Variants in TMEM132D observed in about 807,000 individuals in gnomAD.
TMEM132D encodes the protein mature OL transmembrane protein.
Under a neutral mutation model 62.3 loss-of-function variants are expected in TMEM132D, and 21 were observed. The observed-to-expected ratio is 0.34, with a 90% CI of 0.24 to 0.49. The LOEUF (loss-of-function observed/expected upper bound fraction) is 0.49, where lower values mean the gene tolerates loss of function less well. Ranked by LOEUF, TMEM132D falls within the 20% of genes least tolerant of loss-of-function variation. TMEM132D has a pLI of 0.99. For synonymous variants in TMEM132D, 621 were observed against 575.6 expected (o/e 1.08, Z -1.13); for missense variants, 1,346 against 1,402.8 (o/e 0.96, Z 0.65).
intron 1 of TMEM132D, among the ~76,000 whole-genome samples, chr12:129,749,845 T>A (rs1441878077): frequency 6.6e-6 from 1 of 152,190 alleles, no homozygotes; most frequent in African/African-American, 2.4e-5. Flanking sequence ...ACTTGTACAT[T>A]CTTGAGAATT....
intron 2 of TMEM132D, among the ~76,000 whole-genome samples, chr12:129,691,024 C>T (rs965838400): frequency 2.6e-5 from 4 of 151,894 alleles, no homozygotes; most frequent in Non-Finnish European, 5.9e-5. Context: ...GAAATCAATA[C>T]TAGAAAGATA....
intron 1 of TMEM132D, among the ~76,000 whole-genome samples, chr12:129,735,213 C>T (rs1042291857): frequency 1.3e-5 from 2 of 152,126 alleles, no homozygotes; most frequent in Non-Finnish European, 2.9e-5. Flanking sequence ...TCACATTTTG[C>T]ATGATTGCTT....
chr12:129,759,582 A>C (rs1483670856), intron 1 of TMEM132D, among the ~76,000 whole-genome samples: 1 of 152,206 alleles, frequency 6.6e-6, no homozygotes, highest in African/African-American at 2.4e-5. Flanking sequence ...TGCTCATTAC[A>C]TGAGAGAGTA....
chr12:129,545,207 C>T (rs1593060232), intron 2 of TMEM132D, among the ~76,000 whole-genome samples: 4 of 152,118 alleles, frequency 2.6e-5, no homozygotes, highest in African/African-American at 9.7e-5. Context: ...ATTTGATCTA[C>T]TGCACCACGA....
intron 5 of TMEM132D, among the ~76,000 whole-genome samples, chr12:129,149,407 C>T (rs1877008741): frequency 1.3e-5 from 2 of 152,118 alleles, no homozygotes; most frequent in Non-Finnish European, 2.9e-5. Flanking sequence ...AATGCTGCCC[C>T]TGAAAAGTAG....
intron 3 of TMEM132D, among the ~76,000 whole-genome samples, chr12:129,493,475 T>G (rs1874860297): frequency 6.6e-6 from 1 of 152,246 alleles, no homozygotes; most frequent in African/African-American, 2.4e-5. Flanking sequence ...CCTAATTGTC[T>G]TCTTCAGAAT....
chr12:129,297,313 C>G (rs114971982), intron 4 of TMEM132D, among the ~76,000 whole-genome samples: 1 of 152,196 alleles, frequency 6.6e-6, no homozygotes, highest in Non-Finnish European at 1.5e-5. Flanking sequence ...CAGGCCTTCC[C>G]GAGTGATTTT....
At chr12:129,382,971 T>C (rs1179853881) in intron 3 of TMEM132D, among the ~76,000 whole-genome samples, 1 of 152,086 alleles carries the variant, frequency 6.6e-6, no homozygotes, top group African/African-American at 2.4e-5. Flanking sequence ...ACCCACTCTG[T>C]TTGTGGAAAA....
chr12:129,383,184 T>C (rs893005745), intron 3 of TMEM132D, among the ~76,000 whole-genome samples: 1 of 152,166 alleles, frequency 6.6e-6, no homozygotes, highest in Non-Finnish European at 1.5e-5. Context: ...ATGTGCTGCC[T>C]CTCTCCACAT....
At chr12:129,606,298 CCA>C (rs1237039391) in intron 2 of TMEM132D, among the ~76,000 whole-genome samples, 1 of 152,142 alleles carries the variant, frequency 6.6e-6, no homozygotes, top group African/African-American at 2.4e-5. Flanking sequence ...TCCACAGACT[CCA>C]CAGTCTTCCT....
chr12:129,753,236 C>G (rs759939775), intron 1 of TMEM132D, among the ~76,000 whole-genome samples: 1 of 152,164 alleles, frequency 6.6e-6, no homozygotes, highest in Non-Finnish European at 1.5e-5. Flanking sequence ...ATATCAGAAC[C>G]TCCTGGAGTG....
chr12:129,305,471 C>T (rs1238017888), intron 4 of TMEM132D, among the ~76,000 whole-genome samples: 1 of 151,968 alleles, frequency 6.6e-6, no homozygotes, highest in Admixed American at 6.6e-5. Flanking sequence ...AGTTACAATG[C>T]AAAGGTAAAG....
chr12:129,424,585 G>A (rs1328880280), intron 3 of TMEM132D, among the ~76,000 whole-genome samples: 1 of 151,640 alleles, frequency 6.6e-6, no homozygotes, highest in African/African-American at 2.4e-5. Flanking sequence ...GTGGGCACCT[G>A]TAGTCCCAGC....
chr12:129,454,793 C>T (rs1400247370), intron 3 of TMEM132D, among the ~76,000 whole-genome samples: 2 of 152,168 alleles, frequency 1.3e-5, no homozygotes, highest in Admixed American at 1.3e-4. Context: ...AGTTTGTCAT[C>T]ACTTAGCTCT....
In TMEM132D at chr12:129,479,534, C is replaced by G. The variant is rs1389194878; in HGVS notation, c.1115+51525G>C. ...CAGGAGCATATAAAAGAGCAAAATG[C>G]AAAATATGATAAAAACCAATGCCTG... On this transcript the variant is annotated intron_variant, in intron 3 of 8. Transcript: ENST00000422113. 2.6e-5 allele frequency among the ~76,000 whole-genome samples: 4 copies of G among 151,948 alleles called. No individual in the cohort carries two copies. In the East Asian group the frequency reaches 5.8e-4, roughly 22 times the overall value.
At chr12:129,608,365 T>C (rs976389362) in intron 2 of TMEM132D, among the ~76,000 whole-genome samples, 19 of 152,276 alleles carry the variant, frequency 1.2e-4, no homozygotes, top group African/African-American at 4.6e-4. Flanking sequence ...TAGGACTTGT[T>C]GCTGTTTTCA....
At chr12:129,592,757 G>A (rs905448388) in intron 2 of TMEM132D, among the ~76,000 whole-genome samples, 4 of 152,188 alleles carry the variant, frequency 2.6e-5, no homozygotes, top group Admixed American at 1.3e-4. Context: ...CTATGTGAAC[G>A]TTTGTGAAGA....
intron 2 of TMEM132D, among the ~76,000 whole-genome samples, chr12:129,653,476 C>T (rs1478528248): frequency 8.5e-5 from 13 of 152,090 alleles, no homozygotes; most frequent in Non-Finnish European, 1.9e-4. Context: ...TTCTTTGAGG[C>T]TAACTGATAA....
rs1261208910 is a variant in TMEM132D, at chr12:129,243,321, T to G, written c.1300-33658A>C. 3.3e-5 allele frequency among the ~76,000 whole-genome samples: 5 copies of G among 152,334 alleles called. No individual in the cohort carries two copies. The East Asian group carries it at 9.6e-4, about 29-fold the overall frequency. On this transcript the variant is annotated intron_variant, in intron 4 of 8. Coordinates refer to ENST00000422113, the MANE Select transcript of TMEM132D (RefSeq NM_133448.3). The stretch of plus-strand genomic sequence containing the variant: ...TTACACGAGGATTTTTAAGTTTGTA[T>G]CCATGAGAATCAGACCTTGGATTTA...
Sources: allele counts gnomAD v4.1 joint callset (sites outside exome capture counted in the v4.1 genomes callset), GRCh38; gene constraint gnomAD v4.1.1; transcripts MANE v1.5; gene names NCBI Gene and HGNC (gene_info 2026-07-23, HGNC 2026-07-21).